KIF1B: variants seen among roughly 807,000 people sequenced by gnomAD.
KIF1B encodes kinesin family member 1B.
In KIF1B, 76 loss-of-function variants were observed where a neutral mutation model predicts 241.9. The observed-to-expected ratio is 0.31, with a 90% CI of 0.26 to 0.38. The LOEUF (loss-of-function observed/expected upper bound fraction) is 0.38. KIF1B is among the 10% of genes least tolerant of loss of function. The pLI is 1.00. For synonymous variants in KIF1B, 750 were observed against 796.7 expected, an observed-to-expected ratio of 0.94 and a Z score of 0.99; for missense variants, 1,622 against 2,271.4, an observed-to-expected ratio of 0.71 and a Z score of 5.81.
chr1:10,367,121 G>T (rs1449774343), intron 43 of KIF1B, among the ~76,000 whole-genome samples: 2 of 151,776 alleles, frequency 1.3e-5, no homozygotes, highest in East Asian at 3.9e-4. Context: ...TTGAGATGGA[G>T]TCTCACTCCT....
chr1:10,356,290 G>A (rs1256806614), intron 38 of KIF1B, among the ~76,000 whole-genome samples: 5 of 152,038 alleles, frequency 3.3e-5, no homozygotes, highest in Admixed American at 6.6e-5. Context: ...GCTTGAACCC[G>A]GGAGGCGGAG....
chr1:10,365,296 C>CTGT lies in KIF1B; in HGVS notation c.4512+51_4512+52insTGT, dbSNP rs1325622769. 4 of 1,613,044 alleles carry CTGT rather than the reference C, an allele frequency of 2.5e-6. No homozygotes were observed. The highest frequency in any genetic ancestry group is 2.5e-6 in the Non-Finnish European group (3 of 1,179,472). ...TGCAAGAACTCTCGGACAAGATTGC[C>CTGT]AAAGTATCAGTCTTCCTCCCCGCTG... On this transcript the variant is annotated intron_variant, in intron 42 of 48. Transcript: ENST00000676179. The surrounding 1 kb of genome is among the most constrained non-coding windows in gnomAD (Gnocchi z 4.0).
intron 27 of KIF1B, among the ~76,000 whole-genome samples, chr1:10,331,525 C>G (rs1295661730): frequency 1.3e-5 from 2 of 152,094 alleles, no homozygotes; most frequent in African/African-American, 4.8e-5. Flanking sequence ...ATTTGTATTT[C>G]ATTTATGCTC....
At chr1:10,266,903 T>TA (rs1455231604) in intron 5 of KIF1B, among the ~76,000 whole-genome samples, 1 of 152,226 alleles carries the variant, frequency 6.6e-6, no homozygotes, top group Non-Finnish European at 1.5e-5. Flanking sequence ...GGCCTAGAGT[T>TA]ACGGCATTTC....
At position 10,337,469 on chromosome 1, in the gene KIF1B, C is replaced by G. The variant is rs779498968; in HGVS notation, c.3358C>G (p.Arg1120Gly). The G allele has an allele frequency of 6.2e-7, 1 of 1,614,158 alleles. No individual in the cohort carries two copies. The highest frequency in any genetic ancestry group is 8.5e-7 in the Non-Finnish European group (1 of 1,180,024). ...GAAACTGGGCAGTGCCTTCACTTTC[C>G]GAGTAACAGTGTTGCAGGCCAGTGG... ...HLKLGSAFTFRVTVLQASGIL... is the reference protein window; with the variant it reads ...HLKLGSAFTFGVTVLQASGIL... Residue 1120 changes from arginine to glycine, a missense_variant, in exon 31 of 49, where the codon CGA becomes GGA. Coordinates refer to ENST00000676179, the MANE Select transcript of KIF1B (RefSeq NM_001365951.3). The surrounding 1 kb of genome is among the most constrained non-coding windows in gnomAD (Gnocchi z 4.0).
intron 2 of KIF1B, among the ~76,000 whole-genome samples, chr1:10,255,220 A>T (rs1205056129): frequency 6.6e-6 from 1 of 152,046 alleles, no homozygotes; most frequent in Non-Finnish European, 1.5e-5. Flanking sequence ...AAGTGCTGGG[A>T]TTACAAGTGG....
chr1:10,334,475 T>C, intron 27 of KIF1B, 45 bp from the exon 28 acceptor site: 1 of 1,400,602 alleles, frequency 7.1e-7, no homozygotes. Context: ...CCAGTTTATC[T>C]CTCCATGGAT....
intron 22 of KIF1B, among the ~76,000 whole-genome samples, chr1:10,298,356 C>G (rs1650370688): frequency 6.6e-6 from 1 of 152,182 alleles, no homozygotes; most frequent in Non-Finnish European, 1.5e-5. Context: ...ACGTGAAGGA[C>G]TTGAGCACAA....
At chr1:10,258,742 AT>A in intron 4 of KIF1B, 70 bp downstream of exon 4, 1 of 1,486,062 alleles carries the variant, frequency 6.7e-7, no homozygotes, top group Non-Finnish European at 9.3e-7. Context: ...TTTAACAGTT[AT>A]TTTTATTTGG....
intron 15 of KIF1B, among the ~76,000 whole-genome samples, chr1:10,286,658 A>G (rs961478487): frequency 6.6e-6 from 1 of 152,200 alleles, no homozygotes; most frequent in Non-Finnish European, 1.5e-5. Flanking sequence ...TGTTTCCTTA[A>G]CTGAATCATC....
chr1:10,237,527 T>C (rs1013308318), intron 2 of KIF1B, among the ~76,000 whole-genome samples: 4 of 152,230 alleles, frequency 2.6e-5, no homozygotes, highest in African/African-American at 9.7e-5. Context: ...TTTAACAACC[T>C]TCCTTTGCCA....
At chr1:10,250,875 G>T (rs1647400967) in intron 2 of KIF1B, among the ~76,000 whole-genome samples, 1 of 151,868 alleles carries the variant, frequency 6.6e-6, no homozygotes, top group African/African-American at 2.4e-5. Context: ...TCTAAAAGCA[G>T]CTTGGGGGCG....
intron 37 of KIF1B, among the ~76,000 whole-genome samples, chr1:10,351,538 C>G (rs1652793810): frequency 6.6e-6 from 1 of 152,160 alleles, no homozygotes. Context: ...AGGCTCAAAG[C>G]CTCACAGGTG....
At chr1:10,225,147 C>G (rs1196521908) in intron 1 of KIF1B, among the ~76,000 whole-genome samples, 1 of 152,132 alleles carries the variant, frequency 6.6e-6, no homozygotes, top group Non-Finnish European at 1.5e-5. Context: ...AGACCTGTAC[C>G]ACTCTGTGGC....
intron 27 of KIF1B, among the ~76,000 whole-genome samples, chr1:10,327,176 A>G (rs1297049182): frequency 2.0e-5 from 3 of 151,766 alleles, no homozygotes; most frequent in African/African-American, 4.8e-5. Flanking sequence ...TTTGAGACCA[A>G]CGTGACCCAT....
At chr1:10,309,952 C>A (rs1650998126) in intron 22 of KIF1B, among the ~76,000 whole-genome samples, 1 of 151,412 alleles carries the variant, frequency 6.6e-6, no homozygotes, top group Non-Finnish European at 1.5e-5. Flanking sequence ...TCTTGCACTT[C>A]TCAAGCCTGG....
chr1:10,325,112 A>G, intron 26 of KIF1B, among the ~76,000 whole-genome samples: 1 of 152,190 alleles, frequency 6.6e-6, no homozygotes, highest in East Asian at 1.9e-4. Context: ...ACTTTCAGCC[A>G]AAGTATTTAA....
chr1:10,219,111 C>G (rs373278673), intron 1 of KIF1B, among the ~76,000 whole-genome samples: 2 of 152,028 alleles, frequency 1.3e-5, no homozygotes, highest in African/African-American at 2.4e-5. Flanking sequence ...AACCTTTTTT[C>G]CTAGTATTAA....
intron 22 of KIF1B, among the ~76,000 whole-genome samples, chr1:10,319,493 A>G (rs1402641995): frequency 2.0e-5 from 3 of 152,236 alleles, no homozygotes; most frequent in Non-Finnish European, 2.9e-5. Context: ...TAATAGCACT[A>G]TGAGCTTTTG....
Sources: allele counts gnomAD v4.1 joint callset (sites outside exome capture counted in the v4.1 genomes callset), GRCh38; gene constraint gnomAD v4.1.1; non-coding constraint Gnocchi (gnomAD v3.1); transcripts MANE v1.5; gene names NCBI Gene and HGNC (gene_info 2026-07-23, HGNC 2026-07-21).